NR6A1: variants seen among roughly 807,000 people sequenced by gnomAD.
NR6A1 encodes the protein retinoic acid receptor-related testis-associated receptor.
Under a neutral mutation model 59.1 loss-of-function variants are expected in NR6A1, and 7 were observed. That is an observed-to-expected ratio of 0.12 (90% CI 0.07 to 0.22). The LOEUF is 0.22. Among genes scored for constraint, NR6A1 ranks in the 10% least tolerant of loss-of-function variants. NR6A1 has a pLI of 1.00. For synonymous variants in NR6A1, 243 were observed against 236.1 expected, an observed-to-expected ratio of 1.03 and a Z score of -0.27; for missense variants, 468 against 611.6, an observed-to-expected ratio of 0.77 and a Z score of 2.48.
At chr9:124,531,962 G>A (rs1247992291) in intron 7 of NR6A1, among the ~76,000 whole-genome samples, 4 of 152,092 alleles carry the variant, frequency 2.6e-5, no homozygotes, top group African/African-American at 7.2e-5. Flanking sequence ...TCTTGTCCAC[G>A]CCAATCCATC....
At chr9:124,734,355 T>C (rs74519450) in intron 1 of NR6A1, among the ~76,000 whole-genome samples, 1,569 of 152,362 alleles carry the variant, frequency 0.01, 21 homozygotes, top group Non-Finnish European at 0.016. Context: ...ACGGAGTAGC[T>C]GTTCAGTAAA....
At chr9:124,749,636 A>G (rs892050293) in intron 1 of NR6A1, among the ~76,000 whole-genome samples, 1 of 151,986 alleles carries the variant, frequency 6.6e-6, no homozygotes, top group Non-Finnish European at 1.5e-5. Flanking sequence ...ATCATAATGC[A>G]CTCCAGCCTC....
chr9:124,592,235 T>C (rs572857633), intron 2 of NR6A1, among the ~76,000 whole-genome samples: 2 of 152,122 alleles, frequency 1.3e-5, no homozygotes, highest in African/African-American at 2.4e-5. Flanking sequence ...TTTTATGGCT[T>C]TTCCTTCACT....
At chr9:124,643,752 CA>C (rs1836841131) in intron 2 of NR6A1, among the ~76,000 whole-genome samples, 1 of 54,770 alleles carries the variant, frequency 1.8e-5, no homozygotes, top group Admixed American at 2.1e-4. Flanking sequence ...GATCCCATCT[CA>C]AAAAAACAAA....
intron 2 of NR6A1, among the ~76,000 whole-genome samples, chr9:124,667,806 C>T (rs1837669475): frequency 6.6e-6 from 1 of 152,114 alleles, no homozygotes; most frequent in East Asian, 1.9e-4. Flanking sequence ...TTCATCTTAT[C>T]GTAGCAGTAT....
chr9:124,743,639 A>G (rs1355995180), intron 1 of NR6A1, among the ~76,000 whole-genome samples: 1 of 152,228 alleles, frequency 6.6e-6, no homozygotes, highest in Admixed American at 6.5e-5. Flanking sequence ...ACCAGACTGA[A>G]GGCAGAAAAG....
intron 6 of NR6A1, among the ~76,000 whole-genome samples, chr9:124,537,591 T>C (rs1310721904): frequency 3.9e-5 from 6 of 152,054 alleles, no homozygotes; most frequent in Non-Finnish European, 7.4e-5. Flanking sequence ...TGAACTGTTA[T>C]CTCCTCAGGT....
intron 2 of NR6A1, among the ~76,000 whole-genome samples, chr9:124,567,831 CTTTTTTTTTT>C (rs534591761): frequency 7.9e-5 from 8 of 101,342 alleles, no homozygotes; most frequent in Non-Finnish European, 1.5e-4. Context: ...TAAAAATTTG[CTTTTTTTTTT>C]TTTTTTTTTT....
intron 2 of NR6A1, among the ~76,000 whole-genome samples, chr9:124,643,107 G>GGT (rs1554738793): frequency 7.9e-6 from 1 of 125,986 alleles, no homozygotes; most frequent in East Asian, 2.8e-4. Context: ...CGGGTGGGGG[G>GGT]GGGGAACAAA....
At chr9:124,714,895 C>T (rs57290317) in intron 2 of NR6A1, among the ~76,000 whole-genome samples, 3,230 of 152,114 alleles carry the variant, frequency 0.021, 100 homozygotes, top group African/African-American at 0.073. Flanking sequence ...ACACTGACTT[C>T]GTAGATTAGA....
At chr9:124,757,707 G>T (rs1376765015) in intron 1 of NR6A1, among the ~76,000 whole-genome samples, 1 of 152,102 alleles carries the variant, frequency 6.6e-6, no homozygotes, top group Non-Finnish European at 1.5e-5. Context: ...CTAAATATAC[G>T]ATGCAGCTGT....
intron 2 of NR6A1, among the ~76,000 whole-genome samples, chr9:124,563,944 C>A (rs1443188221): frequency 6.6e-6 from 1 of 152,022 alleles, no homozygotes; most frequent in Non-Finnish European, 1.5e-5. Flanking sequence ...GGCATGGTGG[C>A]ACACACCTAT....
intron 1 of NR6A1, among the ~76,000 whole-genome samples, chr9:124,746,754 T>C (rs1015029260): frequency 6.6e-6 from 1 of 152,220 alleles, no homozygotes; most frequent in East Asian, 1.9e-4. Context: ...TCCTTTTTTT[T>C]AGATGCTAAA....
intron 2 of NR6A1, among the ~76,000 whole-genome samples, chr9:124,556,867 CT>C (rs34247254): frequency 0.094 from 13,533 of 143,330 alleles, 1,565 homozygotes; most frequent in African/African-American, 0.27. Context: ...ACTAATATAC[CT>C]TTTTTTTTTT....
At chr9:124,704,244 T>C (rs1839053650) in intron 2 of NR6A1, among the ~76,000 whole-genome samples, 1 of 152,254 alleles carries the variant, frequency 6.6e-6, no homozygotes, top group Admixed American at 6.5e-5. Flanking sequence ...GTAATTTGTG[T>C]TGTCTTTATT....
chr9:124,670,941 G>A (rs1239047802), intron 2 of NR6A1, among the ~76,000 whole-genome samples: 3 of 152,232 alleles, frequency 2.0e-5, no homozygotes. Flanking sequence ...AGTGGTGGCA[G>A]TAGAGATGCA....
chr9:124,767,377 T>C (rs535422473), intron 1 of NR6A1, among the ~76,000 whole-genome samples: 5 of 152,214 alleles, frequency 3.3e-5, no homozygotes, highest in African/African-American at 1.2e-4. Flanking sequence ...TGCTGAATGA[T>C]TTGGTGGCTT....
At chr9:124,622,418 T>C (rs548957541) in intron 2 of NR6A1, among the ~76,000 whole-genome samples, 1 of 152,336 alleles carries the variant, frequency 6.6e-6, no homozygotes, top group South Asian at 2.1e-4. Flanking sequence ...CAGCAAAGTT[T>C]CTTTGACATT....
chr9:124,733,367 G>A lies in NR6A1; in HGVS notation c.101-18C>T, dbSNP rs773827446. 1.1e-5 allele frequency: 17 copies of A among 1,605,064 alleles called. No homozygotes were observed. The highest frequency in any genetic ancestry group is 1.4e-5 in the Non-Finnish European group (16 of 1,172,776). On this transcript the variant is annotated intron_variant, in intron 1 of 9. Transcript: ENST00000487099. The stretch of plus-strand genomic sequence containing the variant: ...ACAGAAACCTAAAGAGAAAACAATA[G>A]GAAAAAAAATTACAATTTGTGAATT...
Sources: gnomAD v4.1 joint callset for allele counts (sites outside exome capture counted in the v4.1 genomes callset) on GRCh38, gnomAD v4.1.1 for gene constraint, MANE v1.5 for transcripts, NCBI Gene and HGNC (gene_info 2026-07-23, HGNC 2026-07-21) for gene names.